Variants in LPP observed in about 807,000 individuals in gnomAD.
The protein encoded by LPP is LIM domain containing preferred translocation partner in lipoma.
Under a neutral mutation model 60.4 loss-of-function variants are expected in LPP, and 38 were observed. The observed-to-expected ratio is 0.63, with a 90% CI of 0.49 to 0.83. The LOEUF (loss-of-function observed/expected upper bound fraction) is 0.83, where lower values mean the gene tolerates loss of function less well. LPP is among the 40% of genes least tolerant of loss of function. The pLI is 0.00. For synonymous variants in LPP, 328 were observed against 290.8 expected (o/e 1.13, Z -1.30); for missense variants, 902 against 783.6 (o/e 1.15, Z -1.80).
At chr3:188,440,878 T>A (rs1410463736) in intron 4 of LPP, among the ~76,000 whole-genome samples, 1 of 151,948 alleles carries the variant, frequency 6.6e-6, no homozygotes, top group African/African-American at 2.4e-5. Flanking sequence ...ACAGAGCAAC[T>A]GCAAAATTGC....
intron 9 of LPP, among the ~76,000 whole-genome samples, chr3:188,804,243 TTATATATA>T (rs60989319): frequency 0.26 from 9,805 of 37,710 alleles, 1,191 homozygotes; most frequent in Non-Finnish European, 0.34. Flanking sequence ...TAGTGCATCT[TTATATATA>T]TATATATATA....
At chr3:188,757,888 G>GTTTTTTTTTTTTTTT (rs1553833723) in intron 8 of LPP, among the ~76,000 whole-genome samples, 1 of 28,448 alleles carries the variant, frequency 3.5e-5, no homozygotes, top group Non-Finnish European at 7.0e-5. Context: ...TTGTTTTTTT[G>GTTTTTTTTTTTTTTT]GTTTTTTTTT....
chr3:188,518,415 A>T (rs529327622), intron 5 of LPP, among the ~76,000 whole-genome samples: 1 of 152,340 alleles, frequency 6.6e-6, no homozygotes, highest in South Asian at 2.1e-4. Flanking sequence ...CTTAGGTTTT[A>T]CTAAATTAAG....
At chr3:188,797,518 G>A (rs1463780877) in intron 9 of LPP, among the ~76,000 whole-genome samples, 2 of 152,030 alleles carry the variant, frequency 1.3e-5, no homozygotes, top group African/African-American at 2.4e-5. Flanking sequence ...CAGATTATTC[G>A]ATCTCATCTG....
intron 6 of LPP, among the ~76,000 whole-genome samples, chr3:188,581,838 T>A (rs1367878582): frequency 6.6e-6 from 1 of 152,190 alleles, no homozygotes; most frequent in East Asian, 1.9e-4. Context: ...CATATTTACC[T>A]TCTATTACCT....
intron 6 of LPP, 37 bp downstream of exon 6, chr3:188,524,824 C>T (rs534275383): frequency 8.1e-6 from 13 of 1,595,358 alleles, no homozygotes; most frequent in Admixed American, 3.5e-5. Flanking sequence ...CACAGCCATT[C>T]CCAGATATTC....
chr3:188,239,190 G>A (rs941144206), intron 2 of LPP, among the ~76,000 whole-genome samples: 6 of 152,216 alleles, frequency 3.9e-5, no homozygotes, highest in Non-Finnish European at 7.3e-5. Flanking sequence ...CTGCCCCTGC[G>A]GCAGGCACAC....
chr3:188,826,869 T>C (rs1755679697), intron 9 of LPP, among the ~76,000 whole-genome samples: 2 of 152,086 alleles, frequency 1.3e-5, no homozygotes, highest in South Asian at 4.1e-4. Context: ...TCTCTACTAC[T>C]TGATATTAAA....
At chr3:188,578,141 C>T (rs1266286278) in intron 6 of LPP, among the ~76,000 whole-genome samples, 3 of 152,078 alleles carry the variant, frequency 2.0e-5, no homozygotes, top group Admixed American at 6.6e-5. Flanking sequence ...TTGCCTACTA[C>T]CCTGAAGAGA....
intron 7 of LPP, among the ~76,000 whole-genome samples, chr3:188,659,630 G>C (rs920637940): frequency 6.6e-6 from 1 of 152,188 alleles, no homozygotes; most frequent in Non-Finnish European, 1.5e-5. Flanking sequence ...CAGAAGTGCA[G>C]CCAGAGACTT....
intron 4 of LPP, among the ~76,000 whole-genome samples, chr3:188,474,039 A>T (rs897917024): frequency 1.3e-5 from 2 of 152,216 alleles, no homozygotes; most frequent in African/African-American, 2.4e-5. Flanking sequence ...AGGACCTATG[A>T]CCCACCGTAG....
intron 3 of LPP, among the ~76,000 whole-genome samples, chr3:188,374,527 A>G (rs1774347418): frequency 6.6e-6 from 1 of 152,172 alleles, no homozygotes; most frequent in Non-Finnish European, 1.5e-5. Context: ...ATTGGTGTAT[A>G]AGAATGCTTG....
chr3:188,675,014 G>A (rs946030232), intron 7 of LPP, among the ~76,000 whole-genome samples: 2 of 152,182 alleles, frequency 1.3e-5, no homozygotes, highest in Non-Finnish European at 2.9e-5. Flanking sequence ...ATCCTGCCCT[G>A]TTTGGAATAA....
intron 5 of LPP, among the ~76,000 whole-genome samples, chr3:188,520,467 A>G (rs919078): frequency 0.66 from 100,646 of 152,118 alleles, 36,297 homozygotes; most frequent in East Asian, 0.87. Flanking sequence ...AGAACAGTAT[A>G]GGGGAAAATG....
chr3:188,188,251 T>G (rs1727160246), intron 1 of LPP, among the ~76,000 whole-genome samples: 1 of 152,208 alleles, frequency 6.6e-6, no homozygotes, highest in Non-Finnish European at 1.5e-5. Flanking sequence ...AAGATCCTCT[T>G]TTTTCCTTTT....
chr3:188,486,354 C>A (rs554799177), intron 5 of LPP, among the ~76,000 whole-genome samples: 1 of 152,096 alleles, frequency 6.6e-6, no homozygotes, highest in Non-Finnish European at 1.5e-5. Flanking sequence ...AAGACAGACA[C>A]CACTCTGTCC....
At chr3:188,664,451 T>A (rs1421451899) in intron 7 of LPP, among the ~76,000 whole-genome samples, 1 of 152,250 alleles carries the variant, frequency 6.6e-6, no homozygotes, top group African/African-American at 2.4e-5. Flanking sequence ...CTGGTTTTAA[T>A]AAAACAACTG....
At chr3:188,620,076 A>C (rs142541685) in intron 7 of LPP, among the ~76,000 whole-genome samples, 1 of 152,046 alleles carries the variant, frequency 6.6e-6, no homozygotes, top group Non-Finnish European at 1.5e-5. Context: ...ATTTACTAAA[A>C]TATGCACTAA....
At chr3:188,273,796 A>T (rs987304402) in intron 2 of LPP, among the ~76,000 whole-genome samples, 1 of 151,776 alleles carries the variant, frequency 6.6e-6, no homozygotes, top group African/African-American at 2.4e-5. Flanking sequence ...GGGTTTCACC[A>T]TGTTGGCCAG....
Sources: allele counts gnomAD v4.1 joint callset (sites outside exome capture counted in the v4.1 genomes callset), GRCh38; gene constraint gnomAD v4.1.1; transcripts MANE v1.5; gene names NCBI Gene and HGNC (gene_info 2026-07-23, HGNC 2026-07-21).